Variants in ERBB4 observed in about 807,000 individuals in gnomAD.
The protein encoded by ERBB4 is erb-b2 receptor tyrosine kinase 4, also known as receptor tyrosine-protein kinase erbB-4.
ERBB4 carries 42 observed loss-of-function variants against 158.0 expected under a neutral mutation model. That is an observed-to-expected ratio of 0.27 (90% CI 0.21 to 0.34). ERBB4 has a LOEUF of 0.34. Among genes scored for constraint, ERBB4 ranks in the 10% least tolerant of loss-of-function variants. The probability of loss-of-function intolerance (pLI) is 1.00; values close to 1 mark genes in which losing one functional copy is unlikely to be tolerated. For synonymous variants in ERBB4, 583 were observed against 558.7 expected (o/e 1.04, Z -0.61); for missense variants, 1,333 against 1,624.1 (o/e 0.82, Z 3.08).
chr2:212,049,436 A>G (rs1395424456), intron 2 of ERBB4, among the ~76,000 whole-genome samples: 3 of 152,068 alleles, frequency 2.0e-5, no homozygotes, highest in Admixed American at 2.0e-4. Flanking sequence ...CTTGTAGCCA[A>G]TTATATATCG....
chr2:211,961,839 A>T (rs2081187283), intron 2 of ERBB4, among the ~76,000 whole-genome samples: 1 of 152,156 alleles, frequency 6.6e-6, no homozygotes, highest in Non-Finnish European at 1.5e-5. Flanking sequence ...GAGGGAAAAA[A>T]GGAGGAGGAG....
At chr2:212,101,350 CAT>C (rs56091369) in intron 2 of ERBB4, among the ~76,000 whole-genome samples, 4,262 of 143,024 alleles carry the variant, frequency 0.03, 188 homozygotes, top group African/African-American at 0.1. Context: ...ACACCCTATA[CAT>C]ATATATATAT....
intron 2 of ERBB4, among the ~76,000 whole-genome samples, chr2:212,106,685 C>T (rs1019520603): frequency 6.6e-6 from 1 of 152,234 alleles, no homozygotes; most frequent in African/African-American, 2.4e-5. Flanking sequence ...AAAGCAGCCC[C>T]TCCCATCACA....
chr2:212,301,041 A>C (rs1175308134), intron 1 of ERBB4, among the ~76,000 whole-genome samples: 1 of 151,420 alleles, frequency 6.6e-6, no homozygotes, highest in Non-Finnish European at 1.5e-5. Flanking sequence ...TGTTTCCCAT[A>C]AACTATGTTA....
chr2:212,456,555 T>A (rs1342062811), intron 1 of ERBB4, among the ~76,000 whole-genome samples: 2 of 144,846 alleles, frequency 1.4e-5, no homozygotes, highest in East Asian at 1.9e-4. Flanking sequence ...TCATTAGTTA[T>A]CTTCCTCTCT....
At chr2:211,518,819 G>A (rs995287409) in intron 20 of ERBB4, among the ~76,000 whole-genome samples, 2 of 151,940 alleles carry the variant, frequency 1.3e-5, no homozygotes, top group Admixed American at 6.6e-5. Flanking sequence ...ATATTAAAGG[G>A]GTTTTTTTGT....
intron 3 of ERBB4, among the ~76,000 whole-genome samples, chr2:211,844,586 T>G (rs887470075): frequency 3.3e-5 from 5 of 152,166 alleles, no homozygotes; most frequent in Admixed American, 6.6e-5. Context: ...AGGGAGAAGC[T>G]TCATAACTTT....
chr2:212,043,914 A>G (rs952546211), intron 2 of ERBB4, among the ~76,000 whole-genome samples: 1 of 152,140 alleles, frequency 6.6e-6, no homozygotes. Context: ...TGATCACTCA[A>G]TAAATATTAC....
intron 19 of ERBB4, among the ~76,000 whole-genome samples, chr2:211,602,942 T>C (rs1205486789): frequency 6.6e-6 from 1 of 152,028 alleles, no homozygotes; most frequent in Non-Finnish European, 1.5e-5. Flanking sequence ...AGAAAGGATT[T>C]CTCTGTCCCG....
chr2:212,129,405 G>GTATACAATATTA (rs2080039220), intron 1 of ERBB4, among the ~76,000 whole-genome samples: 1 of 150,464 alleles, frequency 6.6e-6, no homozygotes, highest in Non-Finnish European at 1.5e-5. Context: ...ATATAAAAAG[G>GTATACAATATTA]TATACAATAT....
intron 4 of ERBB4, among the ~76,000 whole-genome samples, chr2:211,781,573 A>T (rs1575140118): frequency 6.6e-6 from 1 of 152,216 alleles, no homozygotes; most frequent in East Asian, 1.9e-4. Context: ...AAACACACTT[A>T]AAATGTAGAA....
At chr2:211,680,100 T>C (rs972853356) in intron 12 of ERBB4, among the ~76,000 whole-genome samples, 1 of 152,228 alleles carries the variant, frequency 6.6e-6, no homozygotes, top group African/African-American at 2.4e-5. Flanking sequence ...AGTGATTATT[T>C]ATGCAGAAGT....
At chr2:211,797,538 GAT>G (rs2076408265) in intron 3 of ERBB4, among the ~76,000 whole-genome samples, 1 of 151,826 alleles carries the variant, frequency 6.6e-6, no homozygotes, top group Non-Finnish European at 1.5e-5. Flanking sequence ...GCAAATAAAA[GAT>G]AAAGCAAGAG....
chr2:211,685,280 A>G (rs2105978570), intron 12 of ERBB4, among the ~76,000 whole-genome samples: 1 of 152,218 alleles, frequency 6.6e-6, no homozygotes, highest in Non-Finnish European at 1.5e-5. Flanking sequence ...TAATCTCATG[A>G]CCTGTTTTGA....
At chr2:212,221,109 GGGGGT>G (rs2083276745) in intron 1 of ERBB4, among the ~76,000 whole-genome samples, 1 of 151,372 alleles carries the variant, frequency 6.6e-6, no homozygotes, top group Non-Finnish European at 1.5e-5. Context: ...TCATGAAACA[GGGGGT>G]GGTTTTTGAG....
intron 18 of ERBB4, among the ~76,000 whole-genome samples, chr2:211,622,525 A>C (rs1376102699): frequency 6.6e-6 from 1 of 152,184 alleles, no homozygotes; most frequent in Non-Finnish European, 1.5e-5. Context: ...ATTAAGGTTT[A>C]TATTCTAATT....
chr2:211,624,385 A>C (rs1331900256), intron 17 of ERBB4, among the ~76,000 whole-genome samples: 1 of 152,164 alleles, frequency 6.6e-6, no homozygotes. Context: ...CTGGGAAGCC[A>C]GGACAAATGT....
At chr2:211,831,320 G>C (rs990531409) in intron 3 of ERBB4, among the ~76,000 whole-genome samples, 1 of 152,022 alleles carries the variant, frequency 6.6e-6, no homozygotes, top group Non-Finnish European at 1.5e-5. Flanking sequence ...ACTCATGAAG[G>C]GTCATGTTAT....
At chr2:211,850,364 T>C (rs897760877) in intron 3 of ERBB4, among the ~76,000 whole-genome samples, 5 of 151,902 alleles carry the variant, frequency 3.3e-5, no homozygotes, top group Admixed American at 2.0e-4. Flanking sequence ...ATTCAACATA[T>C]ATGTAGTGTA....
Sources: allele counts gnomAD v4.1 joint callset (sites outside exome capture counted in the v4.1 genomes callset), GRCh38; gene constraint gnomAD v4.1.1; transcripts MANE v1.5; gene names NCBI Gene and HGNC (gene_info 2026-07-23, HGNC 2026-07-21).